The following LIN54 variants were observed in gnomAD, a reference collection of about 807,000 sequenced individuals.
LIN54 encodes protein lin-54 homolog.
In LIN54, 9 loss-of-function variants were observed where a neutral mutation model predicts 78.7. The ratio of observed to expected loss-of-function variants is 0.11; its 90% confidence interval spans 0.07 to 0.20. The LOEUF (loss-of-function observed/expected upper bound fraction) is 0.20. Ranked by LOEUF, LIN54 falls within the 10% of genes least tolerant of loss-of-function variation. LIN54 has a pLI of 1.00. For synonymous variants in LIN54, 269 were observed against 318.4 expected (o/e 0.84, Z 1.65); for missense variants, 573 against 889.9 (o/e 0.64, Z 4.53).
intron 7 of LIN54, among the ~76,000 whole-genome samples, chr4:82,938,802 A>G (rs1345083037): frequency 6.6e-6 from 1 of 152,240 alleles, no homozygotes; most frequent in Non-Finnish European, 1.5e-5. Context: ...AAAGTACTGT[A>G]ATAACTTGTT....
chr4:82,959,524 A>C (rs1479194445), intron 4 of LIN54, among the ~76,000 whole-genome samples: 1 of 152,026 alleles, frequency 6.6e-6, no homozygotes, highest in African/African-American at 2.4e-5. Flanking sequence ...AACAAAAAAA[A>C]CCCCAAAACC....
In LIN54 at chr4:82,929,616, C is replaced by T. The variant is rs187200188; in HGVS notation, c.2049-1313G>A. Among the ~76,000 whole-genome samples, 104 of 151,996 alleles carry T rather than the reference C, an allele frequency of 6.8e-4. 1 individual carries two copies. The highest frequency in any genetic ancestry group is 1.5e-4 in the Non-Finnish European group (10 of 67,974). On this transcript the variant is annotated intron_variant, in intron 12 of 12. Transcript: ENST00000340417. Reference sequence around the variant, plus strand: ...GGTCAGGCGTTCAAGACCAGGCTGGCCAACATAGTGAGACCTCATCTCTAC... The same window carrying T: ...GGTCAGGCGTTCAAGACCAGGCTGGTCAACATAGTGAGACCTCATCTCTAC...
At chr4:82,985,048 C>T in intron 1 of LIN54, among the ~76,000 whole-genome samples, 172 bp from the exon 2 acceptor site, 1 of 152,178 alleles carries the variant, frequency 6.6e-6, no homozygotes, top group East Asian at 1.9e-4. Flanking sequence ...CCTCAACCTG[C>T]AAGAATCTAT....
chr4:82,979,025 T>C lies in LIN54; in HGVS notation c.685-19A>G. ...TAGCAATCTGAAACATATAAATAAC[T>C]ATGAAGACCATCTGTTTCTATAAAA... is the stretch of plus-strand genomic sequence containing the variant. On this transcript the variant is annotated intron_variant, in intron 2 of 12. Coordinates refer to ENST00000340417, the MANE Select transcript of LIN54 (RefSeq NM_194282.4). The C allele has an allele frequency of 3.3e-6, 5 of 1,529,302 alleles. No homozygotes were observed. The highest frequency in any genetic ancestry group is 4.4e-6 in the Non-Finnish European group (5 of 1,123,748). The allele number at this position is 1,529,302 out of a possible 1,614,324, so 94.7% of individuals were successfully genotyped here.
chr4:83,003,031 TGAGATG>T (rs1357051108), intron 1 of LIN54, among the ~76,000 whole-genome samples: 2 of 152,146 alleles, frequency 1.3e-5, no homozygotes, highest in East Asian at 3.9e-4. Context: ...TTTGTGAGTG[TGAGATG>T]GAGTCTTGCT....
At chr4:82,951,604 A>C (rs1723850662) in intron 4 of LIN54, among the ~76,000 whole-genome samples, 1 of 152,184 alleles carries the variant, frequency 6.6e-6, no homozygotes, top group Non-Finnish European at 1.5e-5. Flanking sequence ...ATCCATATAT[A>C]AAAAAGTTTA....
chr4:82,981,925 T>C (rs1726692592), intron 2 of LIN54, among the ~76,000 whole-genome samples: 1 of 152,090 alleles, frequency 6.6e-6, no homozygotes, highest in Non-Finnish European at 1.5e-5. Context: ...TCCCAGCTAC[T>C]TGGGAGGCTG....
intron 5 of LIN54, among the ~76,000 whole-genome samples, chr4:82,942,149 GC>G (rs61491328): frequency 0.33 from 50,143 of 151,484 alleles, 9,637 homozygotes; most frequent in African/African-American, 0.52. Flanking sequence ...TTTTGTTTTT[GC>G]TTTTGGTGGG....
In LIN54 at chr4:83,006,125, C is replaced by CT. The variant is rs780895327; in HGVS notation, c.-33+4358dup. ...AGATGGCAACAATGGAAACTGGGGA[C>CT]TACTGGGGACGTAGGGAGGGGATCA... On this transcript the variant is annotated intron_variant, in intron 1 of 12. Transcript: ENST00000340417. 1.4e-4 allele frequency among the ~76,000 whole-genome samples: 21 copies of CT among 152,028 alleles called. No homozygotes were observed. The South Asian group carries it at 4.4e-3, about 32-fold the overall frequency.
Position 82,925,750 on chromosome 4 carries a change from A to G in LIN54, c.*2352T>C, listed in dbSNP as rs1018823992. On this transcript the variant is annotated 3_prime_UTR_variant, in exon 13 of 13. Coordinates refer to ENST00000340417, the MANE Select transcript of LIN54 (RefSeq NM_194282.4). Reference sequence around the variant, plus strand: ...AATAGTATAAATGTTTATTTTCTGTATGATTTACTTTGCTGTCCTGTTTTT... The same window carrying G: ...AATAGTATAAATGTTTATTTTCTGTGTGATTTACTTTGCTGTCCTGTTTTT... 5 of 152,650 alleles carry G rather than the reference A, an allele frequency of 3.3e-5. No individual in the cohort carries two copies. Among genetic ancestry groups the G allele is most frequent in the Admixed American group, 6.5e-5 (1 of 15,284 alleles). The allele number at this position is 152,650 out of a possible 1,614,324, so 9.5% of individuals were successfully genotyped here.
chr4:83,010,899 T>C (rs1359335333), upstream of LIN54: 2 of 1,001,394 alleles, frequency 2.0e-6, no homozygotes, highest in East Asian at 4.0e-5. Context: ...CGGGGAAGCC[T>C]CCCGCCGCCC....
chr4:82,975,135 A>G (rs1578586425), intron 3 of LIN54, among the ~76,000 whole-genome samples: 1 of 152,222 alleles, frequency 6.6e-6, no homozygotes, highest in Non-Finnish European at 1.5e-5. Context: ...AGGCAGGTGG[A>G]TCACTTGAGG....
intron 4 of LIN54, among the ~76,000 whole-genome samples, chr4:82,951,186 T>A (rs1172259893): frequency 1.3e-5 from 2 of 152,010 alleles, no homozygotes; most frequent in Admixed American, 6.6e-5. Context: ...AATGATAAAG[T>A]AAGAAAAGAT....
intron 3 of LIN54, among the ~76,000 whole-genome samples, chr4:82,972,177 C>T (rs1484596909): frequency 6.6e-6 from 1 of 152,016 alleles, no homozygotes; most frequent in Non-Finnish European, 1.5e-5. Context: ...ATCTCAGCCT[C>T]CTGAGTAGCT....
chr4:82,939,309 T>A (rs1722644793), intron 7 of LIN54, among the ~76,000 whole-genome samples: 1 of 152,240 alleles, frequency 6.6e-6, no homozygotes, highest in Non-Finnish European at 1.5e-5. Flanking sequence ...CCTGCCAAGC[T>A]GCTCTCAGCT....
chr4:83,006,754 A>G (rs1729415679), intron 1 of LIN54, among the ~76,000 whole-genome samples: 1 of 152,202 alleles, frequency 6.6e-6, no homozygotes, highest in Non-Finnish European at 1.5e-5. Flanking sequence ...GAGCTTCCTT[A>G]ACTTTGTAAC....
At chr4:82,978,244 A>G (rs1316369304) in intron 3 of LIN54, among the ~76,000 whole-genome samples, 1 of 152,228 alleles carries the variant, frequency 6.6e-6, no homozygotes, top group Non-Finnish European at 1.5e-5. Context: ...GGCCACACTA[A>G]GGAGTATTCT....
In LIN54 at chr4:82,926,728, A is replaced by T. The variant is rs1373137097; in HGVS notation, c.*1374T>A. 2.6e-5 allele frequency: 4 copies of T among 152,236 alleles called. No individual in the cohort carries two copies. Among genetic ancestry groups the T allele is most frequent in the South Asian group, 4.1e-4 (2 of 4,832 alleles). 9.4% of individuals were successfully genotyped at this position (152,236 alleles called of 1,614,324 possible). On this transcript the variant is annotated 3_prime_UTR_variant, in exon 13 of 13. Transcript: ENST00000340417. ...AGACCTTCCAAATCACTGGCTGAAAATAATGCCATATTAAACTTCCCTTAT... is the reference window on the plus strand; with the variant it reads ...AGACCTTCCAAATCACTGGCTGAAATTAATGCCATATTAAACTTCCCTTAT...
chr4:82,989,687 C>A (rs1380327104), intron 1 of LIN54, among the ~76,000 whole-genome samples: 3 of 152,188 alleles, frequency 2.0e-5, no homozygotes, highest in Non-Finnish European at 4.4e-5. Flanking sequence ...TTTAAAGCAC[C>A]TGAAATTAAA....
Sources: gnomAD v4.1 joint callset for allele counts (sites outside exome capture counted in the v4.1 genomes callset) on GRCh38, gnomAD v4.1.1 for gene constraint, MANE v1.5 for transcripts, NCBI Gene and HGNC (gene_info 2026-07-23, HGNC 2026-07-21) for gene names.